Variants in SCN8A observed in about 807,000 individuals in gnomAD.
SCN8A encodes the protein sodium voltage-gated channel alpha subunit 8, also known as sodium channel protein type 8 subunit alpha.
In SCN8A, 30 loss-of-function variants were observed where a neutral mutation model predicts 184.1. The observed-to-expected ratio is 0.16, with a 90% CI of 0.12 to 0.22. The LOEUF (loss-of-function observed/expected upper bound fraction) is 0.22. Ranked by LOEUF, SCN8A falls within the 10% of genes least tolerant of loss-of-function variation. The pLI is 1.00. For synonymous variants in SCN8A, 852 were observed against 907.0 expected, an observed-to-expected ratio of 0.94 and a Z score of 1.09; for missense variants, 1,057 against 2,498.9, an observed-to-expected ratio of 0.42 and a Z score of 12.30.
intron 15 of SCN8A, among the ~76,000 whole-genome samples, chr12:51,764,723 T>C (rs1306143546): frequency 1.3e-5 from 2 of 151,894 alleles, no homozygotes; most frequent in African/African-American, 4.8e-5. Context: ...AGATATTTCA[T>C]GATTGACAGG....
At position 51,662,777 on chromosome 12, in the gene SCN8A, T is replaced by C. The variant is rs376052583; in HGVS notation, c.-41T>C. 16 of 1,604,298 alleles carry C rather than the reference T, an allele frequency of 1.0e-5. No individual in the cohort carries two copies. In the African/African-American group the frequency reaches 1.1e-4, roughly 11 times the overall value. On this transcript the variant is annotated 5_prime_UTR_variant, in exon 2 of 27. Transcript: ENST00000627620. ...TGTTTCTTCCAGAGCTGACCTGTCC[T>C]GGACGCAGCATAACTAACGAAGCTG...
At position 51,812,334 on chromosome 12, in the gene SCN8A, G is replaced by T; in HGVS notation, c.*4905G>T. 1 of 160,076 alleles carries T rather than the reference G, an allele frequency of 6.2e-6. No individual in the cohort carries two copies. The highest frequency in any genetic ancestry group is 1.7e-4 in the South Asian group (1 of 5,936). 9.9% of individuals were successfully genotyped at this position (160,076 alleles called of 1,614,324 possible). On this transcript the variant is annotated 3_prime_UTR_variant, in exon 27 of 27. Coordinates refer to ENST00000627620, the MANE Select transcript of SCN8A (RefSeq NM_001330260.2). Reference sequence around the variant, plus strand: ...GACCGCTGGCTCGCTGTGTGGCCTTGGGCAAGTCACTTAACCTCTCTGTGC... The same window carrying T: ...GACCGCTGGCTCGCTGTGTGGCCTTTGGCAAGTCACTTAACCTCTCTGTGC...
chr12:51,732,440 T>C (rs997147090), intron 12 of SCN8A, among the ~76,000 whole-genome samples: 6 of 152,232 alleles, frequency 3.9e-5, no homozygotes, highest in Admixed American at 3.9e-4. Flanking sequence ...TGTCTGTTTT[T>C]ATGCCAGTAC....
At chr12:51,652,326 A>G (rs1449128102) in intron 1 of SCN8A, among the ~76,000 whole-genome samples, 2 of 152,014 alleles carry the variant, frequency 1.3e-5, no homozygotes, top group East Asian at 3.9e-4. Flanking sequence ...TTAGGCTGTC[A>G]TCTCTCAGTG....
At chr12:51,638,684 A>C (rs1940373126) in intron 1 of SCN8A, among the ~76,000 whole-genome samples, 1 of 151,980 alleles carries the variant, frequency 6.6e-6, no homozygotes, top group Non-Finnish European at 1.5e-5. Flanking sequence ...ACGGGGTTTC[A>C]CCATGTCGGC....
rs1037701697 is a variant in SCN8A at position 51,811,593 on chromosome 12, TCTC to T, written c.*4167_*4169del. 2.0e-5 allele frequency: 3 copies of T among 152,808 alleles called. No homozygotes were observed. Among genetic ancestry groups the T allele is most frequent in the Non-Finnish European group, 2.9e-5 (2 of 68,536 alleles). The allele number at this position is 152,808 out of a possible 1,614,324, so 9.5% of individuals were successfully genotyped here. On this transcript the variant is annotated 3_prime_UTR_variant, in exon 27 of 27. Transcript: ENST00000627620. ...AGACAGGCCCACAGACGAGGGCTGG[TCTC>T]CTTCACATTTGTGTGGGGGTGGGGG...
At chr12:51,617,459 T>A (rs1006521870) in intron 1 of SCN8A, among the ~76,000 whole-genome samples, 7 of 152,190 alleles carry the variant, frequency 4.6e-5, no homozygotes, top group African/African-American at 1.7e-4. Flanking sequence ...GGTTCTTTTT[T>A]AAAAAAGTGT....
chr12:51,693,968 T>C (rs1016216607), intron 6 of SCN8A, among the ~76,000 whole-genome samples: 1 of 152,222 alleles, frequency 6.6e-6, no homozygotes, highest in African/African-American at 2.4e-5. Flanking sequence ...GTTTCGCTGT[T>C]GTCACGCAGG....
rs201442084 is a variant in SCN8A, at chr12:51,791,492, C to T, written c.4524+990C>T. On this transcript the variant is annotated intron_variant, in intron 25 of 26. Coordinates refer to ENST00000627620, the MANE Select transcript of SCN8A (RefSeq NM_001330260.2). Reference sequence around the variant, plus strand: ...TCAGTACTTCAAACAAACAAACAAACAAAAAAGCAAGGAATCTCAAGAAAG... The same window carrying T: ...TCAGTACTTCAAACAAACAAACAAATAAAAAAGCAAGGAATCTCAAGAAAG... Among the ~76,000 whole-genome samples the T allele has an allele frequency of 1.8e-3, 272 of 149,888 alleles. 1 individual carries two copies. The highest frequency in any genetic ancestry group is 6.5e-3 in the African/African-American group (265 of 41,024).
intron 12 of SCN8A, among the ~76,000 whole-genome samples, chr12:51,724,203 T>C (rs555781507): frequency 2.0e-5 from 3 of 152,290 alleles, no homozygotes; most frequent in Non-Finnish European, 2.9e-5. Context: ...CCCAGCACTT[T>C]AGGAGGCTGA....
intron 12 of SCN8A, among the ~76,000 whole-genome samples, chr12:51,737,924 G>A (rs1311145887): frequency 1.3e-5 from 2 of 152,182 alleles, no homozygotes; most frequent in African/African-American, 2.4e-5. Context: ...AGGGGAAAAT[G>A]TTGGCGCTAT....
intron 12 of SCN8A, 136 bp from the exon 13 acceptor site, chr12:51,745,767 G>A: frequency 1.8e-6 from 1 of 559,946 alleles, no homozygotes; most frequent in Non-Finnish European, 2.8e-6. Context: ...TCTACTTCTT[G>A]AAGTGAATAG....
At position 51,786,628 on chromosome 12, in the gene SCN8A, C is replaced by A. The variant is rs954453748; in HGVS notation, c.4029C>A (p.Ile1343=). Residue 1343 remains isoleucine (I), a synonymous_variant, in exon 22 of 27, where the codon ATC becomes ATA. Coordinates refer to ENST00000627620, the MANE Select transcript of SCN8A (RefSeq NM_001330260.2). ...TCATCTTCTGGCTGATTTTCAGCAT[C>A]ATGGGAGTTAACTTGTTTGCGGGAA... The part of the protein sequence containing the change: ...VCLIFWLIFS[I]MGVNLFAGKY... 3 of 1,614,032 alleles carry A rather than the reference C, an allele frequency of 1.9e-6. No individual in the cohort carries two copies. The highest frequency in any genetic ancestry group is 2.5e-6 in the Non-Finnish European group (3 of 1,180,020).
At position 51,706,558 on chromosome 12, in the gene SCN8A, A is replaced by G; in HGVS notation, c.1478A>G (p.Asn493Ser). Residue 493 changes from asparagine to serine, a missense_variant, in exon 11 of 27, where the codon AAC (asparagine) becomes AGC (serine). By Grantham distance (46) the Asn-to-Ser change is conservative (BLOSUM62 1). Around this residue, in one of 19 missense-constraint regions of SCN8A, gnomAD observed 322 missense variants for 390.1 expected, o/e 0.83. Transcript: ENST00000627620. ...TCAAAGAGTGCAAAGGAAAGACGTA[A>G]CAGGAGAAAGAAGAGGAAGCAAAAG... ...LSSKSAKERRNRRKKRKQKEL... is the reference protein window; with the variant it reads ...LSSKSAKERRSRRKKRKQKEL... 6.2e-7 allele frequency: 1 copy of G among 1,608,416 alleles called. No homozygotes were observed. Among genetic ancestry groups the G allele is most frequent in the Non-Finnish European group, 8.5e-7 (1 of 1,177,224 alleles).
chr12:51,688,444 G>T lies in SCN8A; in HGVS notation c.615-561G>T, dbSNP rs527254363. On this transcript the variant is annotated intron_variant, in intron 5 of 26. Transcript: ENST00000627620. The stretch of plus-strand genomic sequence containing the variant: ...TTGTTCGCAAAACCTGGGAACATAA[G>T]TCTTTGATACCTCCTGGCCTTCCTT... Among the ~76,000 whole-genome samples the T allele has an allele frequency of 5.9e-5, 9 of 152,306 alleles. No individual in the cohort carries two copies. The East Asian group carries it at 1.7e-3, about 29-fold the overall frequency.
At position 51,688,994 on chromosome 12, in the gene SCN8A, C is replaced by G. The variant is rs1334042124; in HGVS notation, c.615-11C>G. 1.2e-6 allele frequency: 2 copies of G among 1,611,074 alleles called. No individual in the cohort carries two copies. The highest frequency in any genetic ancestry group is 1.1e-5 in the South Asian group (1 of 90,984). ...GTCACTTGTGTCTGTGTGTGACCTC[C>G]CTTACTACAGATATGTGACAGAGTT... On this transcript the variant is annotated splice_polypyrimidine_tract_variant and intron_variant, in intron 5 of 26. Transcript: ENST00000627620.
chr12:51,790,393 T>G lies in SCN8A; in HGVS notation c.4420-5T>G. The G allele has an allele frequency of 6.3e-7, 1 of 1,599,096 alleles. No individual in the cohort carries two copies. The highest frequency in any genetic ancestry group is 1.7e-5 in the Admixed American group (1 of 58,224). On this transcript the variant is annotated splice_polypyrimidine_tract_variant and splice_region_variant and intron_variant, in intron 24 of 26. Coordinates refer to ENST00000627620, the MANE Select transcript of SCN8A (RefSeq NM_001330260.2). The stretch of plus-strand genomic sequence containing the variant: ...AATTGTCTGTTTTCTTCTTCCCTCC[T>G]TTACTTCGGAGGTCAGGACATCTTC...
intron 6 of SCN8A, among the ~76,000 whole-genome samples, chr12:51,694,668 T>C (rs1427184558): frequency 1.3e-5 from 2 of 152,148 alleles, no homozygotes; most frequent in African/African-American, 2.4e-5. Context: ...GGATAATTGG[T>C]TTTCAGTCAG....
intron 11 of SCN8A, chr12:51,712,983 C>T (rs1447691464): frequency 6.3e-7 from 1 of 1,589,512 alleles, no homozygotes; most frequent in Admixed American, 1.7e-5. Context: ...ATCCAGCGGA[C>T]TGCATCTCTT....
Sources: gnomAD v4.1 joint callset for allele counts (sites outside exome capture counted in the v4.1 genomes callset) on GRCh38, gnomAD v4.1.1 for gene constraint, gnomAD v4.1.1 regional missense constraint, MANE v1.5 for transcripts, NCBI Gene and HGNC (gene_info 2026-07-23, HGNC 2026-07-21) for gene names.